Variants in TTLL3 observed in about 807,000 individuals in gnomAD.
TTLL3 encodes tubulin tyrosine ligase like 3, also known as tubulin monoglycylase TTLL3.
In TTLL3, 63 loss-of-function variants were observed where a neutral mutation model predicts 75.2. The ratio of observed to expected loss-of-function variants is 0.84; its 90% CI spans 0.68 to 1.03. The LOEUF is 1.03. Ranked by LOEUF, TTLL3 falls within the 50% of genes least tolerant of loss-of-function variation. The pLI is 0.00. For missense variants in TTLL3, 997 were observed against 1,069.9 expected (o/e 0.93, Z 0.95); for synonymous variants, 393 against 418.5 (o/e 0.94, Z 0.74).
rs1170501159 is a variant in TTLL3 at position 9,820,584 on chromosome 3, T to C, written c.697T>C (p.Leu233=). 6.2e-7 allele frequency: 1 copy of C among 1,614,044 alleles called. No individual in the cohort carries two copies. The highest frequency in any genetic ancestry group is 1.1e-5 in the South Asian group (1 of 91,082). The change falls in exon 8 of 14, where the codon TTG becomes CTG. Residue 233 remains leucine, a synonymous_variant. Coordinates refer to ENST00000685419, the MANE Select transcript of TTLL3 (RefSeq NM_001387446.1). ...QPKKQEKNPV[L]VSPEFVDEAL... is the part of the protein sequence containing the mutation. Reference sequence around the variant, plus strand: ...CAAGAAACAGGAGAAAAACCCAGTGTTGGTGTCCCCAGAGTTTGTGGATGA... The same window carrying C: ...CAAGAAACAGGAGAAAAACCCAGTGCTGGTGTCCCCAGAGTTTGTGGATGA...
intron 8 of TTLL3, chr3:9,825,452 A>G (rs575280486): frequency 2.9e-6 from 1 of 347,720 alleles, no homozygotes; most frequent in Non-Finnish European, 5.7e-6. Flanking sequence ...AATGCCTGGC[A>G]CATAGTGGTG....
At chr3:9,822,949 T>A (rs1295049763) in intron 8 of TTLL3, among the ~76,000 whole-genome samples, 4 of 149,354 alleles carry the variant, frequency 2.7e-5, no homozygotes, top group Non-Finnish European at 5.9e-5. Context: ...CTCAACTTTT[T>A]AAAAAAAACA....
upstream of TTLL3, chr3:9,810,160 G>A (rs1478568250): frequency 6.8e-7 from 1 of 1,472,664 alleles, no homozygotes; most frequent in South Asian, 1.3e-5. This position sits in a 1 kb window ranked among gnomAD's most constrained non-coding sequence, Gnocchi z 4.4. Context: ...TTTCCCCTCG[G>A]CGCGCCGCTC....
chr3:9,832,109 G>T (rs1271024433), intron 11 of TTLL3, among the ~76,000 whole-genome samples: 1 of 97,828 alleles, frequency 1.0e-5, no homozygotes, highest in African/African-American at 3.8e-5. Flanking sequence ...TTTTGAGACG[G>T]AGTTTCGCTC....
In TTLL3 at chr3:9,832,957, G is replaced by T. The variant is rs1039708805; in HGVS notation, c.1684-147G>T. The T allele has an allele frequency of 3.6e-5, 33 of 920,722 alleles. 1 individual carries two copies. The highest frequency in any genetic ancestry group is 1.3e-5 in the Non-Finnish European group (8 of 598,968). 57.0% of individuals were successfully genotyped at this position (920,722 alleles called of 1,614,324 possible). ...TGTGACTCTAGGTACTGACTCAGAG[G>T]TGGGCTTTCCATTTCTCAGCTCAGA... On this transcript the variant is annotated intron_variant, in intron 11 of 13. Transcript: ENST00000685419.
chr3:9,831,796 A>ATT (rs35972221), intron 11 of TTLL3, among the ~76,000 whole-genome samples: 5 of 123,598 alleles, frequency 4.0e-5, no homozygotes, highest in East Asian at 2.4e-4. Context: ...TTTTTATTTG[A>ATT]TTTTTTTTTT....
At position 9,810,996 on chromosome 3, in the gene TTLL3, G is replaced by A. The variant is rs2079300478; in HGVS notation, c.48+287G>A. 6.6e-6 allele frequency among the ~76,000 whole-genome samples: 1 copy of A among 151,722 alleles called. No homozygotes were observed. The highest frequency in any genetic ancestry group is 1.5e-5 in the Non-Finnish European group (1 of 67,924). The stretch of plus-strand genomic sequence containing the variant: ...GCCTTTCGGTCTTGATCTCGGTTGG[G>A]CACCCTGTATCTTTCGACACCGCTG... On this transcript the variant is annotated intron_variant, in intron 2 of 13. Transcript: ENST00000685419. This position sits in a 1 kb window ranked among gnomAD's most constrained non-coding sequence, Gnocchi z 4.4.
At chr3:9,821,176 T>G (rs2080377705) in intron 8 of TTLL3, 1 of 157,116 alleles carries the variant, frequency 6.4e-6, no homozygotes, top group Non-Finnish European at 1.4e-5. Flanking sequence ...TGTACTTAAG[T>G]GAGCCCAGTG....
chr3:9,820,993 G>A (rs2080359728), intron 8 of TTLL3: 1 of 501,364 alleles, frequency 2.0e-6, no homozygotes, highest in Non-Finnish European at 3.4e-6. Context: ...CAAAGTGTGT[G>A]TTGTGTGGAT....
intron 12 of TTLL3, among the ~76,000 whole-genome samples, chr3:9,833,732 C>G (rs1363773035): frequency 1.3e-5 from 2 of 152,124 alleles, no homozygotes; most frequent in Non-Finnish European, 2.9e-5. Flanking sequence ...GTGGTCCAGG[C>G]TACTCGCGAG....
Position 9,810,312 on chromosome 3 carries a change from A to C in TTLL3, c.-124A>C, listed in dbSNP as rs770256375. 6.7e-7 allele frequency: 1 copy of C among 1,485,304 alleles called. No individual in the cohort carries two copies. The highest frequency in any genetic ancestry group is 1.3e-5 in the South Asian group (1 of 77,970). 92.0% of individuals were successfully genotyped at this position (1,485,304 alleles called of 1,614,324 possible). On this transcript the variant is annotated 5_prime_UTR_variant, in exon 1 of 14. Transcript: ENST00000685419. This position sits in a 1 kb window ranked among gnomAD's most constrained non-coding sequence, Gnocchi z 4.4. ...GCGGCGCCTTCAAGACGCTGGTCCC[A>C]GGCACCCACGCCCAGGGCGCCTCGG...
chr3:9,834,341 C>G (rs553735429), intron 12 of TTLL3: 6 of 519,856 alleles, frequency 1.2e-5, no homozygotes, highest in South Asian at 7.7e-5. Context: ...CAGCACTTAA[C>G]AGTTTGCCCC....
intron 9 of TTLL3, among the ~76,000 whole-genome samples, 169 bp downstream of exon 9, chr3:9,826,117 G>T (rs2081014612): frequency 6.6e-6 from 1 of 152,218 alleles, no homozygotes. Context: ...GCGCCTCCCT[G>T]AACCTCAGTT....
chr3:9,827,312 AGT>A, intron 10 of TTLL3, 72 bp downstream of exon 10: 1 of 1,579,234 alleles, frequency 6.3e-7, no homozygotes, highest in Non-Finnish European at 8.6e-7. Context: ...AGGCGATTAC[AGT>A]GCAGGGGACT....
At chr3:9,835,067 C>T (rs750702840) in intron 13 of TTLL3, 27 bp from the exon 14 acceptor site, 1 of 1,590,564 alleles carries the variant, frequency 6.3e-7, no homozygotes, top group African/African-American at 1.3e-5. Context: ...TGATCATCTC[C>T]CTCTTCTCCC....
chr3:9,835,444 G>A lies in TTLL3; in HGVS notation c.2403G>A (p.Val801=). 1 of 1,611,688 alleles carries A rather than the reference G, an allele frequency of 6.2e-7. No homozygotes were observed. Among genetic ancestry groups the A allele is most frequent in the Non-Finnish European group, 8.5e-7 (1 of 1,179,642 alleles). The change falls in exon 14 of 14, where the codon GTG becomes GTA. Residue 801 remains valine, a synonymous_variant. Coordinates refer to ENST00000685419, the MANE Select transcript of TTLL3 (RefSeq NM_001387446.1). ...LDSIAVGGSR[V]DGARPCTPGS... ...CCATTGCTGTTGGAGGGTCAAGAGT[G>A]GATGGGGCGAGGCCGTGTACCCCAG...
At chr3:9,813,382 C>T (rs1008276323) in intron 4 of TTLL3, 37 bp downstream of exon 4, 2 of 1,610,308 alleles carry the variant, frequency 1.2e-6, no homozygotes, top group Admixed American at 1.7e-5. Context: ...ACAGGGACTG[C>T]CTGCTTAGAG....
chr3:9,827,752 G>A (rs531276999), intron 10 of TTLL3: 1 of 155,518 alleles, frequency 6.4e-6, no homozygotes, highest in Non-Finnish European at 1.4e-5. Flanking sequence ...TTGGGGTATA[G>A]CAGTGAACAA....
Position 9,833,258 on chromosome 3 carries a change from G to A in TTLL3, c.1825+13G>A, listed in dbSNP as rs1276318825. ...GGCTCTGGGGAAGGCAAGGACTCGGGGACCCCTACCCACAGGTCAGCTTCT... is the reference window on the plus strand; with the variant it reads ...GGCTCTGGGGAAGGCAAGGACTCGGAGACCCCTACCCACAGGTCAGCTTCT... On this transcript the variant is annotated intron_variant, in intron 12 of 13. Transcript: ENST00000685419. 1.2e-6 allele frequency: 2 copies of A among 1,613,434 alleles called. No homozygotes were observed. Among genetic ancestry groups the A allele is most frequent in the Non-Finnish European group, 1.7e-6 (2 of 1,179,826 alleles).
Sources: gnomAD v4.1 joint callset for allele counts (sites outside exome capture counted in the v4.1 genomes callset) on GRCh38, gnomAD v4.1.1 for gene constraint, Gnocchi (gnomAD v3.1) non-coding constraint, MANE v1.5 for transcripts, NCBI Gene and HGNC (gene_info 2026-07-23, HGNC 2026-07-21) for gene names.